Variants in SLC2A8 observed in about 807,000 individuals in gnomAD.
The protein encoded by SLC2A8 is solute carrier family 2 member 8, also known as solute carrier family 2, facilitated glucose transporter member 8.
A neutral mutation model predicts 49.2 loss-of-function variants in SLC2A8; 53 were observed. The observed-to-expected ratio is 1.08, with a 90% CI of 0.86 to 1.35. SLC2A8 has a LOEUF of 1.35. Ranked by LOEUF, SLC2A8 falls within the 40% of genes most tolerant of loss-of-function variation. The probability of loss-of-function intolerance (pLI) is 0.00; values close to 1 mark genes in which losing one functional copy is unlikely to be tolerated. For synonymous variants in SLC2A8, 299 were observed against 297.0 expected (o/e 1.01, Z -0.07); for missense variants, 688 against 671.7 (o/e 1.02, Z -0.27).
chr9:127,397,930 C>CG lies in SLC2A8; in HGVS notation c.251dup (p.Val85SerfsTer156). On this transcript the variant is annotated frameshift_variant, in exon 3 of 10. Transcript: ENST00000373371. LOFTEE classifies it high-confidence loss of function. ...GCTGTCGTGACCCTGGGTGCCGCGG[C>CG]GGGGGGAGTGCTGGGCGGCTGGCTG... 4 of 1,530,246 alleles carry CG rather than the reference C, an allele frequency of 2.6e-6. No homozygotes were observed. Among genetic ancestry groups the CG allele is most frequent in the Non-Finnish European group, 3.5e-6 (4 of 1,144,858 alleles). 94.8% of individuals were successfully genotyped at this position (1,530,246 alleles called of 1,614,324 possible).
At chr9:127,401,757 C>T (rs780874316) in intron 4 of SLC2A8, among the ~76,000 whole-genome samples, 18 of 152,156 alleles carry the variant, frequency 1.2e-4, no homozygotes, top group Non-Finnish European at 2.2e-4. Flanking sequence ...CATGTTCCAA[C>T]GACTAGACTT....
intron 3 of SLC2A8, 123 bp downstream of exon 3, chr9:127,398,234 G>A (rs757776077): frequency 6.9e-6 from 7 of 1,014,256 alleles, no homozygotes; most frequent in Non-Finnish European, 1.1e-5. Context: ...TGCCAGGCTT[G>A]AAGTCCCTGC....
rs1332231307 is a variant in SLC2A8 at position 127,397,304 on chromosome 9, C to A, written c.56+18C>A. ...GGCGGCAGGTGAGCTCCGGGGAACCCGGGCCCGGATGCGGCCTCGCCCTCC... is the reference window on the plus strand; with the variant it reads ...GGCGGCAGGTGAGCTCCGGGGAACCAGGGCCCGGATGCGGCCTCGCCCTCC... On this transcript the variant is annotated intron_variant, in intron 1 of 9. Transcript: ENST00000373371. The A allele has an allele frequency of 2.2e-6, 3 of 1,381,842 alleles. No homozygotes were observed. The highest frequency in any genetic ancestry group is 1.9e-6 in the Non-Finnish European group (2 of 1,078,266). The allele number at this position is 1,381,842 out of a possible 1,614,324, so 85.6% of individuals were successfully genotyped here.
At chr9:127,405,073 T>C (rs996922919) in intron 8 of SLC2A8, 82 bp downstream of exon 8, 1 of 1,444,520 alleles carries the variant, frequency 6.9e-7, no homozygotes, top group African/African-American at 1.4e-5. Flanking sequence ...GCAGGTGGGG[T>C]CTTCCCCAGC....
At chr9:127,403,878 G>T (rs1833389718) in intron 6 of SLC2A8, 75 bp downstream of exon 6, 13 of 1,600,386 alleles carry the variant, frequency 8.1e-6, no homozygotes, top group Non-Finnish European at 1.1e-5. Flanking sequence ...CCAGGGCCCA[G>T]CCATCCAGCA....
rs1833206795 is a variant in SLC2A8 at position 127,399,881 on chromosome 9, A to G, written c.427-26A>G. The G allele has an allele frequency of 1.2e-6, 2 of 1,606,196 alleles. No individual in the cohort carries two copies. Among genetic ancestry groups the G allele is most frequent in the Non-Finnish European group, 8.5e-7 (1 of 1,173,840 alleles). On this transcript the variant is annotated intron_variant, in intron 3 of 9. Coordinates refer to ENST00000373371, the MANE Select transcript of SLC2A8 (RefSeq NM_014580.5). This position sits in a 1 kb window ranked among gnomAD's most constrained non-coding sequence, Gnocchi z 4.2. ...CAGGCATGAGCCACTGCGCCCAGCCATAAATCCTCATCTGATTGCTGGCAG... is the reference window on the plus strand; with the variant it reads ...CAGGCATGAGCCACTGCGCCCAGCCGTAAATCCTCATCTGATTGCTGGCAG...
At position 127,397,295 on chromosome 9, in the gene SLC2A8, C is replaced by A. The variant is rs1224653577; in HGVS notation, c.56+9C>A. 2.1e-5 allele frequency: 29 copies of A among 1,385,550 alleles called. No individual in the cohort carries two copies. Among genetic ancestry groups the A allele is most frequent in the Non-Finnish European group, 2.7e-5 (29 of 1,080,232 alleles). 85.8% of individuals were successfully genotyped at this position (1,385,550 alleles called of 1,614,324 possible). ...GGGCCTCCTGGCGGCAGGTGAGCTC[C>A]GGGGAACCCGGGCCCGGATGCGGCC... On this transcript the variant is annotated intron_variant, in intron 1 of 9. Coordinates refer to ENST00000373371, the MANE Select transcript of SLC2A8 (RefSeq NM_014580.5).
intron 5 of SLC2A8, 147 bp downstream of exon 5, chr9:127,402,900 T>G: frequency 9.4e-7 from 1 of 1,062,892 alleles, no homozygotes; most frequent in South Asian, 1.8e-5. Flanking sequence ...AGGCCCAGTG[T>G]GTCCTGTCTT....
rs1290639709 is a variant in SLC2A8 at position 127,402,745 on chromosome 9, G to A, written c.715G>A (p.Ala239Thr). 2 of 1,544,312 alleles carry A rather than the reference G, an allele frequency of 1.3e-6. No homozygotes were observed. The highest frequency in any genetic ancestry group is 4.0e-5 in the Admixed American group (2 of 50,126). Residue 239 changes from alanine to threonine, a missense_variant, in exon 5 of 10, where the codon GCT (alanine) becomes ACT (threonine). By Grantham distance (58) the Ala-to-Thr change is moderately conservative. Coordinates refer to ENST00000373371, the MANE Select transcript of SLC2A8 (RefSeq NM_014580.5). ...EQGWEDPPIG[A>T]EQSFHLALLR... ...GGGCTGGGAAGACCCCCCCATCGGG[G>A]CTGAGCAGGTGAGAGGCTGGAAGGC... is the stretch of plus-strand genomic sequence containing the variant.
chr9:127,405,087 A>C lies in SLC2A8; in HGVS notation c.1150+96A>C, dbSNP rs576794001. Reference sequence around the variant, plus strand: ...GGCAGGTGGGGTCTTCCCCAGCCTCACCTCTCCTCTCGTAAGTTCCAAGCT... The same window carrying C: ...GGCAGGTGGGGTCTTCCCCAGCCTCCCCTCTCCTCTCGTAAGTTCCAAGCT... On this transcript the variant is annotated intron_variant, in intron 8 of 9. Coordinates refer to ENST00000373371, the MANE Select transcript of SLC2A8 (RefSeq NM_014580.5). The C allele has an allele frequency of 3.8e-6, 5 of 1,331,926 alleles. No individual in the cohort carries two copies. The East Asian group carries it at 9.4e-5, about 25-fold the overall frequency. The allele number at this position is 1,331,926 out of a possible 1,614,324, so 82.5% of individuals were successfully genotyped here. A position where few individuals can be genotyped will look rare whatever the true frequency, so the allele number is the denominator to read the frequency against.
rs1456811036 is a variant in SLC2A8 at position 127,399,117 on chromosome 9, G to T, written c.427-790G>T. Among the ~76,000 whole-genome samples, 1 of 152,202 alleles carries T rather than the reference G, an allele frequency of 6.6e-6. No homozygotes were observed. Among genetic ancestry groups the T allele is most frequent in the Non-Finnish European group, 1.5e-5 (1 of 68,030 alleles). On this transcript the variant is annotated intron_variant, in intron 3 of 9. Transcript: ENST00000373371. This position sits in a 1 kb window ranked among gnomAD's most constrained non-coding sequence, Gnocchi z 4.2. ...TGGTGGCCTGTGGGCCCAGGAGGGA[G>T]CTAGTGGCAGCCACTGGTAGTGACC...
chr9:127,407,639 T>C lies in SLC2A8; in HGVS notation c.*390T>C, dbSNP rs1833537194. ...CTGCCTTATCGGGAAGGAAATTTGT[T>C]TGCCAAATAAAGACTGACACAGAAA... On this transcript the variant is annotated 3_prime_UTR_variant, in exon 10 of 10. Coordinates refer to ENST00000373371, the MANE Select transcript of SLC2A8 (RefSeq NM_014580.5). The C allele has an allele frequency of 2.8e-6, 1 of 356,104 alleles. No individual in the cohort carries two copies. The highest frequency in any genetic ancestry group is 7.5e-5 in the East Asian group (1 of 13,330). 22.1% of individuals were successfully genotyped at this position (356,104 alleles called of 1,614,324 possible).
rs1424137152 is a variant in SLC2A8 at position 127,399,873 on chromosome 9, G to A, written c.427-34G>A. On this transcript the variant is annotated intron_variant, in intron 3 of 9. Transcript: ENST00000373371. The surrounding 1 kb of genome is among the most constrained non-coding windows in gnomAD (Gnocchi z 4.2). ...TGGGATTGCAGGCATGAGCCACTGC[G>A]CCCAGCCATAAATCCTCATCTGATT... 3.2e-6 allele frequency: 5 copies of A among 1,586,896 alleles called. No homozygotes were observed. Among genetic ancestry groups the A allele is most frequent in the African/African-American group, 1.3e-5 (1 of 74,404 alleles).
Position 127,407,268 on chromosome 9 carries a change from T to G in SLC2A8, c.*19T>G, listed in dbSNP as rs780669435. ...GCGATGACAGCCACTCACTAGGGGA[T>G]GGAGCAAGCCTGTGACTCCAAGCTG... is the stretch of plus-strand genomic sequence containing the variant. On this transcript the variant is annotated 3_prime_UTR_variant, in exon 10 of 10. Coordinates refer to ENST00000373371, the MANE Select transcript of SLC2A8 (RefSeq NM_014580.5). The G allele has an allele frequency of 6.2e-7, 1 of 1,612,720 alleles. No individual in the cohort carries two copies. The highest frequency in any genetic ancestry group is 1.1e-5 in the South Asian group (1 of 91,064).
intron 6 of SLC2A8, 34 bp downstream of exon 6, chr9:127,403,837 C>G (rs1833387983): frequency 6.2e-7 from 1 of 1,606,414 alleles, no homozygotes; most frequent in African/African-American, 1.3e-5. Flanking sequence ...CCTCGTCCAG[C>G]CCCCACATAG....
At position 127,399,545 on chromosome 9, in the gene SLC2A8, G is replaced by A. The variant is rs565620923; in HGVS notation, c.427-362G>A. ...AGACCTTTCCATTTTAAGAACTCTTGGAGCCTGAGTAAAGCCTCATCTTTT... is the reference window on the plus strand; with the variant it reads ...AGACCTTTCCATTTTAAGAACTCTTAGAGCCTGAGTAAAGCCTCATCTTTT... On this transcript the variant is annotated intron_variant, in intron 3 of 9. Coordinates refer to ENST00000373371, the MANE Select transcript of SLC2A8 (RefSeq NM_014580.5). The surrounding 1 kb of genome is among the most constrained non-coding windows in gnomAD (Gnocchi z 4.2). 2.7e-5 allele frequency among the ~76,000 whole-genome samples: 4 copies of A among 150,138 alleles called. No homozygotes were observed. Among genetic ancestry groups the A allele is most frequent in the East Asian group, 3.9e-4 (2 of 5,124 alleles).
rs896377911 is a variant in SLC2A8, at chr9:127,399,708, A to C, written c.427-199A>C. Reference sequence around the variant, plus strand: ...GTGATTCTCCTCCCTCAACCTCCTGAGTAGCTGGGATTACAGATGTGTGCC... The same window carrying C: ...GTGATTCTCCTCCCTCAACCTCCTGCGTAGCTGGGATTACAGATGTGTGCC... On this transcript the variant is annotated intron_variant, in intron 3 of 9. Transcript: ENST00000373371. This position sits in a 1 kb window ranked among gnomAD's most constrained non-coding sequence, Gnocchi z 4.2. Among the ~76,000 whole-genome samples, 3 of 151,634 alleles carry C rather than the reference A, an allele frequency of 2.0e-5. No homozygotes were observed. Among genetic ancestry groups the C allele is most frequent in the African/African-American group, 7.3e-5 (3 of 41,230 alleles).
Position 127,402,713 on chromosome 9 carries a change from C to G in SLC2A8, c.683C>G (p.Ser228Cys). The G allele has an allele frequency of 6.4e-7, 1 of 1,559,144 alleles. No individual in the cohort carries two copies. The highest frequency in any genetic ancestry group is 8.7e-7 in the Non-Finnish European group (1 of 1,152,500). The change falls in exon 5 of 10, where the codon TCC (serine) becomes TGC (cysteine). Residue 228 changes from serine (S) to cysteine (C), a missense_variant. Ser to Cys is a moderately radical substitution (Grantham distance 112). Coordinates refer to ENST00000373371, the MANE Select transcript of SLC2A8 (RefSeq NM_014580.5). Reference protein sequence around the residue: ...AMAALRFLWGSEQGWEDPPIG... With the variant: ...AMAALRFLWGCEQGWEDPPIG... Reference sequence around the variant, plus strand: ...GCCGCCCTGCGGTTCCTGTGGGGCTCCGAGCAGGGCTGGGAAGACCCCCCC... The same window carrying G: ...GCCGCCCTGCGGTTCCTGTGGGGCTGCGAGCAGGGCTGGGAAGACCCCCCC...
At chr9:127,401,758 G>A (rs745761958) in intron 4 of SLC2A8, among the ~76,000 whole-genome samples, 2 of 152,128 alleles carry the variant, frequency 1.3e-5, no homozygotes, top group African/African-American at 2.4e-5. Flanking sequence ...ATGTTCCAAC[G>A]ACTAGACTTC....
Sources: gnomAD v4.1 joint callset for allele counts (sites outside exome capture counted in the v4.1 genomes callset) on GRCh38, gnomAD v4.1.1 for gene constraint, Gnocchi (gnomAD v3.1) non-coding constraint, MANE v1.5 for transcripts, NCBI Gene and HGNC (gene_info 2026-07-23, HGNC 2026-07-21) for gene names.